VTI1A: variants seen among roughly 807,000 people sequenced by gnomAD.
VTI1A encodes the protein vesicle transport through interaction with t-SNAREs homolog 1A.
VTI1A carries 22 observed loss-of-function variants against 34.9 expected under a neutral mutation model. The ratio of observed to expected loss-of-function variants is 0.63; its 90% confidence interval spans 0.45 to 0.90. The LOEUF is 0.90. Ranked by LOEUF, VTI1A falls within the 40% of genes least tolerant of loss-of-function variation. VTI1A has a pLI of 0.00. For synonymous variants in VTI1A, 87 were observed against 97.3 expected (o/e 0.89, Z 0.62); for missense variants, 268 against 275.6 (o/e 0.97, Z 0.20).
At position 112,454,472 on chromosome 10, in the gene VTI1A, C is replaced by T. The variant is rs146298522; in HGVS notation, c.95-6052C>T. 1.9e-3 allele frequency among the ~76,000 whole-genome samples: 287 copies of T among 152,104 alleles called. 2 individuals carry two copies. The highest frequency in any genetic ancestry group is 6.1e-3 in the African/African-American group (255 of 41,502). ...TTAAAACTAGCTGGGCATAGTGGCA[C>T]GCACCTGTCATCCCAGCTACTCAGG... On this transcript the variant is annotated intron_variant, in intron 1 of 7. Coordinates refer to ENST00000393077, the MANE Select transcript of VTI1A (RefSeq NM_145206.4).
At chr10:112,529,627 T>A (rs1235094372) in intron 4 of VTI1A, among the ~76,000 whole-genome samples, 1 of 152,068 alleles carries the variant, frequency 6.6e-6, no homozygotes, top group Non-Finnish European at 1.5e-5. Flanking sequence ...AAATTGATTT[T>A]CAGAACTTCT....
intron 7 of VTI1A, among the ~76,000 whole-genome samples, chr10:112,803,137 C>T (rs891276231): frequency 3.3e-5 from 5 of 152,118 alleles, no homozygotes; most frequent in African/African-American, 9.7e-5. Flanking sequence ...GGTTCAATCT[C>T]GGCTCATTGC....
At chr10:112,588,964 G>A (rs186322719) in intron 5 of VTI1A, among the ~76,000 whole-genome samples, 4 of 150,186 alleles carry the variant, frequency 2.7e-5, no homozygotes, top group East Asian at 3.9e-4. Flanking sequence ...AAAAGCATCG[G>A]TGTCATTTTC....
At chr10:112,479,233 A>C (rs1437076608) in intron 3 of VTI1A, among the ~76,000 whole-genome samples, 1 of 152,012 alleles carries the variant, frequency 6.6e-6, no homozygotes, top group Non-Finnish European at 1.5e-5. Context: ...AATATATACT[A>C]TATTGAGAGG....
chr10:112,597,433 G>A (rs983848513), intron 5 of VTI1A, among the ~76,000 whole-genome samples: 7 of 152,082 alleles, frequency 4.6e-5, no homozygotes, highest in Non-Finnish European at 1.0e-4. Context: ...GGTCAGGCTG[G>A]TCTCGAACTC....
intron 5 of VTI1A, among the ~76,000 whole-genome samples, chr10:112,587,879 A>G (rs545803334): frequency 3.3e-5 from 5 of 150,914 alleles, no homozygotes; most frequent in African/African-American, 1.2e-4. Flanking sequence ...CTGCCTTCTT[A>G]CATTCTTAAT....
downstream of VTI1A, among the ~76,000 whole-genome samples, chr10:112,822,293 G>A (rs1400560840): frequency 6.6e-6 from 1 of 152,204 alleles, no homozygotes; most frequent in Non-Finnish European, 1.5e-5. Context: ...CTGGCTTAGG[G>A]CTGCATGCAG....
intron 5 of VTI1A, among the ~76,000 whole-genome samples, chr10:112,596,757 C>G (rs986358367): frequency 6.6e-6 from 1 of 152,068 alleles, no homozygotes; most frequent in Non-Finnish European, 1.5e-5. Flanking sequence ...TCTTACATTG[C>G]TTAACTGTAA....
chr10:112,506,531 T>C (rs1176546129), intron 3 of VTI1A, among the ~76,000 whole-genome samples: 1 of 152,188 alleles, frequency 6.6e-6, no homozygotes, highest in Non-Finnish European at 1.5e-5. Flanking sequence ...AACAATATCA[T>C]ATTACTTCCT....
intron 5 of VTI1A, among the ~76,000 whole-genome samples, chr10:112,584,670 T>G (rs182627716): frequency 6.6e-6 from 1 of 152,246 alleles, no homozygotes; most frequent in Non-Finnish European, 1.5e-5. Context: ...CTGCGTCTTA[T>G]GGACCAGCTA....
At chr10:112,622,161 G>C (rs977410247) in intron 5 of VTI1A, among the ~76,000 whole-genome samples, 57 of 152,214 alleles carry the variant, frequency 3.7e-4, no homozygotes, top group African/African-American at 1.2e-3. Flanking sequence ...ATCAAAATGT[G>C]AGCACAGAAA....
chr10:112,683,814 G>A (rs1420189927), intron 7 of VTI1A, among the ~76,000 whole-genome samples: 1 of 152,142 alleles, frequency 6.6e-6, no homozygotes, highest in African/African-American at 2.4e-5. Flanking sequence ...AGGCCGAGGT[G>A]GGCAGATCAC....
chr10:112,544,788 C>G (rs1851013568), intron 5 of VTI1A, among the ~76,000 whole-genome samples: 1 of 152,104 alleles, frequency 6.6e-6, no homozygotes, highest in Non-Finnish European at 1.5e-5. Flanking sequence ...CACAAAGGCT[C>G]TGGAATGAGA....
chr10:112,778,702 AT>A (rs1554961302), intron 7 of VTI1A, among the ~76,000 whole-genome samples: 6 of 149,134 alleles, frequency 4.0e-5, no homozygotes, highest in Middle Eastern at 3.4e-3. Flanking sequence ...CCAGGAAAAA[AT>A]TTTTTTTTTA....
chr10:112,467,128 T>A (rs1011257259), intron 3 of VTI1A, among the ~76,000 whole-genome samples: 1 of 152,160 alleles, frequency 6.6e-6, no homozygotes, highest in African/African-American at 2.4e-5. Context: ...AATGTTTAGG[T>A]CAGTTTTAAT....
chr10:112,541,264 C>T (rs1402257073), intron 5 of VTI1A, among the ~76,000 whole-genome samples: 2 of 152,108 alleles, frequency 1.3e-5, no homozygotes, highest in African/African-American at 2.4e-5. Context: ...AGAAAAACCA[C>T]ATCATCTGTC....
At chr10:112,671,384 A>G (rs963853706) in intron 7 of VTI1A, among the ~76,000 whole-genome samples, 8 of 152,222 alleles carry the variant, frequency 5.3e-5, no homozygotes, top group Non-Finnish European at 1.0e-4. Context: ...TCACAAATCT[A>G]TAAAAGAAAT....
At chr10:112,631,009 CT>C (rs953951517) in intron 5 of VTI1A, among the ~76,000 whole-genome samples, 2 of 152,094 alleles carry the variant, frequency 1.3e-5, no homozygotes, top group African/African-American at 4.8e-5. Flanking sequence ...GTAATCCCAG[CT>C]ACCTGGGAGG....
intron 3 of VTI1A, chr10:112,464,881 G>A (rs1370788262): frequency 3.6e-5 from 20 of 553,742 alleles, no homozygotes; most frequent in South Asian, 3.4e-4. Flanking sequence ...CAAATCATGC[G>A]GCCCTTTGAG....
Sources: gnomAD v4.1 joint callset for allele counts (sites outside exome capture counted in the v4.1 genomes callset) on GRCh38, gnomAD v4.1.1 for gene constraint, MANE v1.5 for transcripts, NCBI Gene and HGNC (gene_info 2026-07-23, HGNC 2026-07-21) for gene names.